Variants in AGBL5 observed in about 807,000 individuals in gnomAD.
The protein encoded by AGBL5 is AGBL carboxypeptidase 5.
In AGBL5, 51 loss-of-function variants were observed where a neutral mutation model predicts 88.0. The observed-to-expected ratio is 0.58, with a 90% CI of 0.46 to 0.73. The LOEUF is 0.73. Ranked by LOEUF, AGBL5 falls within the 30% of genes least tolerant of loss-of-function variation. The probability of loss-of-function intolerance (pLI) is 0.00; values close to 1 mark genes in which losing one functional copy is unlikely to be tolerated. For synonymous variants in AGBL5, 446 were observed against 438.8 expected (o/e 1.02, Z -0.21); for missense variants, 1,031 against 1,162.2 (o/e 0.89, Z 1.64).
rs745370626 is a variant in AGBL5 at position 27,055,826 on chromosome 2, G to A, written c.1053G>A (p.Gln351=). The change falls in exon 7 of 15, where the codon CAG becomes CAA. Residue 351 remains glutamine (Q), a synonymous_variant. Transcript: ENST00000360131. ...RLNSQSSSEH[Q]PSSCLPPDAP... ...ACTCCCAGAGTTCCTCTGAGCACCA[G>A]CCCAGTTCCTGTCTCCCTCCTGATG... 1 of 1,614,052 alleles carries A rather than the reference G, an allele frequency of 6.2e-7. No individual in the cohort carries two copies. Among genetic ancestry groups the A allele is most frequent in the African/African-American group, 1.3e-5 (1 of 74,896 alleles).
At chr2:27,065,197 C>T (rs1306165313) in intron 11 of AGBL5, among the ~76,000 whole-genome samples, 1 of 152,158 alleles carries the variant, frequency 6.6e-6, no homozygotes, top group Non-Finnish European at 1.5e-5. Context: ...GCTGGCACCT[C>T]TGGTGAATTC....
chr2:27,053,060 G>T lies in AGBL5; in HGVS notation c.102G>T (p.Gly34=). 6.2e-7 allele frequency: 1 copy of T among 1,613,804 alleles called. No homozygotes were observed. Among genetic ancestry groups the T allele is most frequent in the Non-Finnish European group, 8.5e-7 (1 of 1,179,874 alleles). ...KVESLSSDGE[G]VGGGASALTS... is the part of the protein sequence containing the mutation. ...AATCTTTGTCCAGTGATGGGGAAGG[G>T]GTAGGAGGTGGGGCGTCAGCCCTGA... is the stretch of plus-strand genomic sequence containing the variant. Residue 34 remains glycine (G), a synonymous_variant, in exon 2 of 15, where the codon GGG becomes GGT. Transcript: ENST00000360131. This position sits in a 1 kb window ranked among gnomAD's most constrained non-coding sequence, Gnocchi z 4.9.
At chr2:27,050,880 TAATTTTTAACCTC>T (rs1668068323), upstream of AGBL5, 2 of 152,242 alleles carry the variant, frequency 1.3e-5, no homozygotes, top group South Asian at 4.1e-4. Context: ...ACTTCGTCTG[TAATTTTTAACCTC>T]AATTTAATTC....
At chr2:27,066,732 C>G (rs909962394) in intron 11 of AGBL5, among the ~76,000 whole-genome samples, 1 of 151,786 alleles carries the variant, frequency 6.6e-6, no homozygotes, top group African/African-American at 2.4e-5. Flanking sequence ...ATCTCTTGAG[C>G]CTAGGAGTTC....
intron 14 of AGBL5, 21 bp downstream of exon 14, chr2:27,069,727 C>A: frequency 6.2e-7 from 1 of 1,600,222 alleles, no homozygotes; most frequent in Non-Finnish European, 8.5e-7. Context: ...GGGTCCAGTC[C>A]CTCACACCAC....
Position 27,054,801 on chromosome 2 carries a change from C to T in AGBL5, c.723C>T (p.Gly241=). ...TSTPRPFRFA[G]KRIFFLSSRV... ...CCCCTCGACCATTCCGTTTCGCAGG[C>T]AAGAGGGTGAGTGGAAATAGCATAA... Residue 241 remains glycine, a synonymous_variant, in exon 5 of 15, where the codon GGC becomes GGT. Transcript: ENST00000360131. 1 of 1,611,770 alleles carries T rather than the reference C, an allele frequency of 6.2e-7. No homozygotes were observed. The highest frequency in any genetic ancestry group is 8.5e-7 in the Non-Finnish European group (1 of 1,179,448).
intron 8 of AGBL5, 185 bp from the exon 9 acceptor site, chr2:27,057,118 G>C: frequency 3.2e-6 from 2 of 622,228 alleles, no homozygotes; most frequent in South Asian, 2.3e-5. Flanking sequence ...CTCTACCTTG[G>C]GGGGACTCTC....
upstream of AGBL5, chr2:27,050,895 A>G (rs1490322413): frequency 2.6e-5 from 4 of 152,190 alleles, no homozygotes; most frequent in African/African-American, 9.7e-5. Flanking sequence ...TTTAACCTCA[A>G]TTTAATTCAA....
At chr2:27,066,882 A>C (rs1279359616) in intron 11 of AGBL5, among the ~76,000 whole-genome samples, 1 of 152,178 alleles carries the variant, frequency 6.6e-6, no homozygotes. Flanking sequence ...CAGGGGTTTG[A>C]GACCACCCTG....
rs1320095348 is a variant in AGBL5 at position 27,062,162 on chromosome 2, T to C, written c.2089+2758T>C. The stretch of plus-strand genomic sequence containing the variant: ...TTTTGAGACGGAATTTCACTCTTGT[T>C]GCCCAGGCTGGAGTGCAATGGCATG... On this transcript the variant is annotated intron_variant, in intron 11 of 14. Transcript: ENST00000360131. Among the ~76,000 whole-genome samples the C allele has an allele frequency of 3.5e-5, 5 of 144,220 alleles. No individual in the cohort carries two copies. In the East Asian group the frequency reaches 1.1e-3, roughly 30 times the overall value. The allele number at this position is 144,220 out of a possible 152,430, so 94.6% of individuals were successfully genotyped here. A position where few individuals can be genotyped will look rare whatever the true frequency, so the allele number is the denominator to read the frequency against.
Position 27,054,054 on chromosome 2 carries a change from T to G in AGBL5, c.546T>G (p.His182Gln). 1 of 1,611,552 alleles carries G rather than the reference T, an allele frequency of 6.2e-7. No individual in the cohort carries two copies. The highest frequency in any genetic ancestry group is 1.3e-5 in the African/African-American group (1 of 74,970). ...GCTTTCCGGAGAACCACCCTACCCA[T>G]AGCAGGTGCCAGCCCCATTCTTACT... ...DQRFPENHPT[H>Q]SSPLDTIYYH... Residue 182 changes from histidine to glutamine, a missense_variant, in exon 4 of 15, where the codon CAT becomes CAG. This residue lies in a region of AGBL5 where 540 missense variants were observed against 678.2 expected (regional missense o/e 0.80). Coordinates refer to ENST00000360131, the MANE Select transcript of AGBL5 (RefSeq NM_021831.6).
At position 27,056,603 on chromosome 2, in the gene AGBL5, G is replaced by A; in HGVS notation, c.1366-20G>A. 1.9e-6 allele frequency: 3 copies of A among 1,581,076 alleles called. No homozygotes were observed. The highest frequency in any genetic ancestry group is 2.6e-6 in the Non-Finnish European group (3 of 1,158,778). ...TCCCTTCTGTCTCTCCTTCTGAGTT[G>A]ACTTTTCTTCCCCAAACAGGTGGAA... On this transcript the variant is annotated intron_variant, in intron 7 of 14. Transcript: ENST00000360131.
In AGBL5 at chr2:27,055,301, G is replaced by A. The variant is rs1482532367; in HGVS notation, c.908+48G>A. ...CTGGACTGTTCCCATTTCCCCTCATGCCCTGCATCTCAGTGAAATTCTGTC... is the reference window on the plus strand; with the variant it reads ...CTGGACTGTTCCCATTTCCCCTCATACCCTGCATCTCAGTGAAATTCTGTC... On this transcript the variant is annotated intron_variant, in intron 6 of 14. Coordinates refer to ENST00000360131, the MANE Select transcript of AGBL5 (RefSeq NM_021831.6). The A allele has an allele frequency of 2.5e-6, 4 of 1,586,456 alleles. No homozygotes were observed. The African/African-American group carries it at 5.4e-5, about 21-fold the overall frequency.
rs372037794 is a variant in AGBL5 at position 27,053,350 on chromosome 2, A to G, written c.216-52A>G. On this transcript the variant is annotated intron_variant, in intron 2 of 14. Coordinates refer to ENST00000360131, the MANE Select transcript of AGBL5 (RefSeq NM_021831.6). The surrounding 1 kb of genome is among the most constrained non-coding windows in gnomAD (Gnocchi z 4.9). ...GCTGGCTCCGGCTCTCCCACAGACC[A>G]TATCTCCAACCCTTCCACACGTAAT... The G allele has an allele frequency of 2.9e-4, 456 of 1,588,830 alleles. 1 individual carries two copies. Among genetic ancestry groups the G allele is most frequent in the Non-Finnish European group, 1.0e-4 (117 of 1,165,740 alleles).
In AGBL5 at chr2:27,056,723, G is replaced by A. The variant is rs202108566; in HGVS notation, c.1466G>A (p.Arg489His). 1.9e-4 allele frequency: 306 copies of A among 1,613,732 alleles called. No homozygotes were observed. Among genetic ancestry groups the A allele is most frequent in the Middle Eastern group, 9.9e-4 (6 of 6,060 alleles). Residue 489 changes from arginine (R) to histidine (H), a missense_variant, in exon 8 of 15, where the codon CGT becomes CAT. Around this residue, in one of 2 missense-constraint regions of AGBL5, gnomAD observed 540 missense variants for 678.2 expected, o/e 0.80. Transcript: ENST00000360131. ...FSEKNMYARD[R>H]RDGQSKEGSG... ...GAGAAGAATATGTATGCCCGAGACC[G>A]TAGAGATGGCCAGTCTAAAGAGGGA... is the stretch of plus-strand genomic sequence containing the variant.
chr2:27,066,011 G>A (rs531308374), intron 11 of AGBL5, among the ~76,000 whole-genome samples: 12 of 152,232 alleles, frequency 7.9e-5, no homozygotes, highest in African/African-American at 2.6e-4. Flanking sequence ...TGTAATCCCA[G>A]CACTTTGGGA....
At position 27,056,673 on chromosome 2, in the gene AGBL5, C is replaced by T. The variant is rs200677518; in HGVS notation, c.1416C>T (p.Phe472=). The T allele has an allele frequency of 2.7e-5, 43 of 1,613,434 alleles. No homozygotes were observed. Among genetic ancestry groups the T allele is most frequent in the Middle Eastern group, 1.7e-4 (1 of 6,054 alleles). Residue 472 remains phenylalanine, a synonymous_variant, in exon 8 of 15, where the codon TTC becomes TTT. Transcript: ENST00000360131. ...TCATCTCCTTGAATTCAGCCCACTT[C>T]GACTTCCAGGGCTGCAATTTCTCAG... ...PKLISLNSAH[F]DFQGCNFSEK... is the part of the protein sequence containing the mutation.
chr2:27,067,390 G>C, intron 11 of AGBL5, 104 bp from the exon 12 acceptor site: 1 of 1,181,464 alleles, frequency 8.5e-7, no homozygotes, highest in Non-Finnish European at 1.2e-6. Context: ...TGACAAGCTT[G>C]AAAACTGGCA....
At chr2:27,051,233 T>A (rs981189593), upstream of AGBL5, among the ~76,000 whole-genome samples, 5 of 151,984 alleles carry the variant, frequency 3.3e-5, no homozygotes, top group African/African-American at 1.2e-4. Context: ...GCTCAAATGG[T>A]AGAGCGCTCG....
Sources: gnomAD v4.1 joint callset for allele counts (sites outside exome capture counted in the v4.1 genomes callset) on GRCh38, gnomAD v4.1.1 for gene constraint, gnomAD v4.1.1 regional missense constraint, Gnocchi (gnomAD v3.1) non-coding constraint, MANE v1.5 for transcripts, NCBI Gene and HGNC (gene_info 2026-07-23, HGNC 2026-07-21) for gene names.